The following RPTOR variants were observed in gnomAD, a reference collection of about 807,000 sequenced individuals.
RPTOR encodes the protein regulatory associated protein of MTOR complex 1.
RPTOR carries 21 observed loss-of-function variants against 169.9 expected under a neutral mutation model. The ratio of observed to expected loss-of-function variants is 0.12; its 90% CI spans 0.09 to 0.18. The LOEUF (loss-of-function observed/expected upper bound fraction) is 0.18. RPTOR is among the 10% of genes least tolerant of loss of function. The pLI is 1.00. For missense variants in RPTOR, 1,133 were observed against 1,855.9 expected, an observed-to-expected ratio of 0.61 and a Z score of 7.16; for synonymous variants, 732 against 753.2, an observed-to-expected ratio of 0.97 and a Z score of 0.46.
chr17:80,671,502 C>T (rs2065821758), intron 3 of RPTOR, among the ~76,000 whole-genome samples: 1 of 152,132 alleles, frequency 6.6e-6, no homozygotes. Flanking sequence ...ACTGCAGGCA[C>T]AAGTCATGTT....
intron 3 of RPTOR, among the ~76,000 whole-genome samples, chr17:80,680,315 C>T (rs1439454029): frequency 6.6e-6 from 1 of 152,210 alleles, no homozygotes; most frequent in Non-Finnish European, 1.5e-5. Context: ...GATGATGGTG[C>T]TGTGCCTCTG....
chr17:80,744,423 A>T (rs1281325619), intron 5 of RPTOR, among the ~76,000 whole-genome samples: 1 of 101,816 alleles, frequency 9.8e-6, no homozygotes, highest in African/African-American at 5.2e-5. Context: ...AGCCCTGGCT[A>T]CTAGCACAGC....
Position 80,823,191 on chromosome 17 carries a change from G to A in RPTOR, c.1104G>A (p.Pro368=), listed in dbSNP as rs112412097. Residue 368 remains proline, a synonymous_variant, in exon 9 of 34, where the codon CCG becomes CCA. Coordinates refer to ENST00000306801, the MANE Select transcript of RPTOR (RefSeq NM_020761.3). This position sits in a 1 kb window ranked among gnomAD's most constrained non-coding sequence, Gnocchi z 4.5. The part of the protein sequence containing the change: ...RSYNCTPVSS[P]RLPPTYMHAM... ...ATAACTGCACTCCCGTCAGCAGCCC[G>A]CGTCTGCCGCCCACGTACATGCACG... is the stretch of plus-strand genomic sequence containing the variant. 75 of 1,613,978 alleles carry A rather than the reference G, an allele frequency of 4.6e-5. No individual in the cohort carries two copies. Among genetic ancestry groups the A allele is most frequent in the Non-Finnish European group, 5.8e-5 (69 of 1,180,022 alleles).
At chr17:80,904,542 C>A (rs1567978881) in intron 20 of RPTOR, among the ~76,000 whole-genome samples, 1 of 152,284 alleles carries the variant, frequency 6.6e-6, no homozygotes, top group East Asian at 1.9e-4. Flanking sequence ...TAAAACCATT[C>A]ATTATGATCT....
chr17:80,794,401 A>G (rs1214031439), intron 7 of RPTOR, among the ~76,000 whole-genome samples: 1 of 152,200 alleles, frequency 6.6e-6, no homozygotes, highest in Admixed American at 6.5e-5. Context: ...CACTGTCCCT[A>G]TTAGAACGGA....
rs1386922637 is a variant in RPTOR, at chr17:80,822,184, C to T, written c.891-17C>T. On this transcript the variant is annotated splice_polypyrimidine_tract_variant and intron_variant, in intron 7 of 33. Transcript: ENST00000306801. ...AGAGCTGTGGCATCACTCATGAGAA[C>T]GCCCCTTGTTTTCTAGGATCCCTGG... 5.0e-6 allele frequency: 8 copies of T among 1,610,940 alleles called. No individual in the cohort carries two copies. The highest frequency in any genetic ancestry group is 3.3e-4 in the Middle Eastern group (2 of 6,060).
At position 80,545,477 on chromosome 17, in the gene RPTOR, TG is replaced by T; in HGVS notation, c.-152del. ...GTTAGAGATAAGGATCTCAGACTTT[TG>T]CCTGAGTAAGGGTCTCCGCACTCTT... On this transcript the variant is annotated 5_prime_UTR_variant, in exon 1 of 34. Transcript: ENST00000306801. The T allele has an allele frequency of 1.8e-6, 1 of 571,134 alleles. No individual in the cohort carries two copies. The highest frequency in any genetic ancestry group is 3.1e-5 in the East Asian group (1 of 32,726). 35.4% of individuals were successfully genotyped at this position (571,134 alleles called of 1,614,324 possible). A position where few individuals can be genotyped will look rare whatever the true frequency, so the allele number is the denominator to read the frequency against.
intron 3 of RPTOR, among the ~76,000 whole-genome samples, chr17:80,672,633 A>C (rs1324990820): frequency 1.3e-5 from 2 of 152,072 alleles, no homozygotes; most frequent in East Asian, 3.9e-4. Flanking sequence ...TACTAAAAAC[A>C]GAAAAAATTA....
chr17:80,879,091 C>G (rs1598373456), intron 13 of RPTOR, among the ~76,000 whole-genome samples: 1 of 152,154 alleles, frequency 6.6e-6, no homozygotes, highest in Non-Finnish European at 1.5e-5. Context: ...GTGCGCGCCC[C>G]GGAGCAGCCC....
chr17:80,758,930 G>A (rs554041132), intron 6 of RPTOR, among the ~76,000 whole-genome samples: 1 of 151,748 alleles, frequency 6.6e-6, no homozygotes, highest in East Asian at 1.9e-4. Flanking sequence ...TGCCTTCCCT[G>A]CCGCCCCACT....
At chr17:80,700,779 T>TGGTG in intron 3 of RPTOR, among the ~76,000 whole-genome samples, 1 of 11,228 alleles carries the variant, frequency 8.9e-5, no homozygotes, top group Non-Finnish European at 1.8e-4. Flanking sequence ...ATGGTAGAGA[T>TGGTG]GATGATGGTG....
At chr17:80,550,221 A>G (rs182589793) in intron 1 of RPTOR, among the ~76,000 whole-genome samples, 212 of 152,262 alleles carry the variant, frequency 1.4e-3, no homozygotes, top group African/African-American at 4.5e-3. Context: ...TGCTAAATCT[A>G]AAGTTCTCTT....
At chr17:80,574,827 A>AT (rs555426915) in intron 1 of RPTOR, among the ~76,000 whole-genome samples, 75,958 of 121,048 alleles carry the variant, frequency 0.63, 24,798 homozygotes, top group Middle Eastern at 0.75. Flanking sequence ...AGCTTATTTA[A>AT]TTTTTTTTTT....
rs574611234 is a variant in RPTOR at position 80,942,833 on chromosome 17, T to C, written c.3025+2232T>C. Among the ~76,000 whole-genome samples, 4 of 152,348 alleles carry C rather than the reference T, an allele frequency of 2.6e-5. No individual in the cohort carries two copies. In the East Asian group the frequency reaches 7.7e-4, roughly 29 times the overall value. ...ATTCACGACCTTGGCTGTCACGCAC[T>C]GATTTTCAAACGTACCAAATGCGTG... On this transcript the variant is annotated intron_variant, in intron 25 of 33. Coordinates refer to ENST00000306801, the MANE Select transcript of RPTOR (RefSeq NM_020761.3).
chr17:80,655,382 G>GT (rs200703621), intron 3 of RPTOR, among the ~76,000 whole-genome samples: 180 of 151,810 alleles, frequency 1.2e-3, no homozygotes, highest in Middle Eastern at 6.8e-3. Flanking sequence ...CATATTTTTT[G>GT]TTTTTTTTAA....
At chr17:80,597,769 C>A (rs1326395606) in intron 1 of RPTOR, among the ~76,000 whole-genome samples, 1 of 152,052 alleles carries the variant, frequency 6.6e-6, no homozygotes, top group East Asian at 1.9e-4. Flanking sequence ...CTGCCTTGGC[C>A]TCCCAGAGTG....
At chr17:80,942,035 A>T (rs2144042080) in intron 25 of RPTOR, 1 of 152,362 alleles carries the variant, frequency 6.6e-6, no homozygotes, top group East Asian at 1.9e-4. Flanking sequence ...GACCAGGTTT[A>T]AAGCATCGCA....
At chr17:80,768,712 T>C (rs918626345) in intron 6 of RPTOR, among the ~76,000 whole-genome samples, 1 of 152,232 alleles carries the variant, frequency 6.6e-6, no homozygotes, top group East Asian at 1.9e-4. Context: ...GACTGACTTA[T>C]ATCCCCATCA....
intron 7 of RPTOR, among the ~76,000 whole-genome samples, chr17:80,806,693 C>G (rs910809894): frequency 2.6e-5 from 4 of 152,230 alleles, no homozygotes; most frequent in Non-Finnish European, 5.9e-5. Context: ...AACCTTGCCC[C>G]AAATCCCTGC....
Sources: allele counts gnomAD v4.1 joint callset (sites outside exome capture counted in the v4.1 genomes callset), GRCh38; gene constraint gnomAD v4.1.1; non-coding constraint Gnocchi (gnomAD v3.1); transcripts MANE v1.5; gene names NCBI Gene and HGNC (gene_info 2026-07-23, HGNC 2026-07-21).